The following PFKFB3 variants were observed in gnomAD, a reference collection of about 807,000 sequenced individuals.
PFKFB3 encodes 6-phosphofructo-2-kinase/fructose-2,6-bisphosphatase 3.
In PFKFB3, 33 loss-of-function variants were observed where a neutral mutation model predicts 68.0. The observed-to-expected ratio is 0.49, with a 90% CI of 0.37 to 0.65. The LOEUF (loss-of-function observed/expected upper bound fraction) is 0.65. Ranked by LOEUF, PFKFB3 falls within the 30% of genes least tolerant of loss-of-function variation. PFKFB3 has a pLI of 0.00. For synonymous variants in PFKFB3, 315 were observed against 288.2 expected (o/e 1.09, Z -0.94); for missense variants, 586 against 712.2 (o/e 0.82, Z 2.02).
chr10:6,195,182 T>G (rs1466447352), intron 1 of PFKFB3, among the ~76,000 whole-genome samples: 1 of 152,186 alleles, frequency 6.6e-6, no homozygotes, highest in East Asian at 1.9e-4. Context: ...CCTGTTCCTT[T>G]TTCATCCACG....
rs1015249005 is a variant in PFKFB3, at chr10:6,250,739, C to T, written c.1516-3439C>T. Among the ~76,000 whole-genome samples, 3 of 152,114 alleles carry T rather than the reference C, an allele frequency of 2.0e-5. No individual in the cohort carries two copies. The East Asian group carries it at 5.8e-4, about 29-fold the overall frequency. On this transcript the variant is annotated intron_variant, in intron 14 of 14. Transcript: ENST00000640683. Reference sequence around the variant, plus strand: ...GAGGACACAGCAGGAAGGCCCTCACCGGATGCTGGCACCTTGATCTTGGAC... The same window carrying T: ...GAGGACACAGCAGGAAGGCCCTCACTGGATGCTGGCACCTTGATCTTGGAC...
rs547569851 is a variant in PFKFB3 at position 6,172,083 on chromosome 10, C to G, written c.16+27070C>G. On this transcript the variant is annotated intron_variant, in intron 1 of 14. Coordinates refer to the PFKFB3 transcript ENST00000379789. The stretch of plus-strand genomic sequence containing the variant: ...ACCACCGGTGTCCGGGACAGATACT[C>G]TGACGCATTCTCCCGGAACACCCTG... 7.2e-5 allele frequency among the ~76,000 whole-genome samples: 11 copies of G among 152,366 alleles called. No individual in the cohort carries two copies. In the South Asian group the frequency reaches 2.3e-3, roughly 32 times the overall value.
At chr10:6,242,562 C>T (rs767417530) in intron 14 of PFKFB3, among the ~76,000 whole-genome samples, 1 of 151,966 alleles carries the variant, frequency 6.6e-6, no homozygotes, top group Non-Finnish European at 1.5e-5. Flanking sequence ...CTGTTCCCAC[C>T]GTAGTGCCCT....
chr10:6,291,708 C>A, the PFKFB3 span, among the ~76,000 whole-genome samples: 444 of 152,208 alleles, frequency 2.9e-3, 1 homozygote, highest in African/African-American at 0.01. Flanking sequence ...TGCTATAGCT[C>A]GTTAAGTATC....
intron 1 of PFKFB3, among the ~76,000 whole-genome samples, chr10:6,166,224 C>A (rs951737330): frequency 2.6e-5 from 4 of 151,986 alleles, no homozygotes; most frequent in Non-Finnish European, 5.9e-5. Flanking sequence ...TCAGGTGATC[C>A]GCCCGCCTCG....
intron 13 of PFKFB3, among the ~76,000 whole-genome samples, chr10:6,224,786 T>C (rs1031111280): frequency 2.6e-5 from 4 of 152,144 alleles, no homozygotes; most frequent in Non-Finnish European, 5.9e-5. Flanking sequence ...GTGCCCAGCG[T>C]CTCTTCTCTT....
At chr10:6,167,183 C>G (rs933703100) in intron 1 of PFKFB3, among the ~76,000 whole-genome samples, 2 of 152,230 alleles carry the variant, frequency 1.3e-5, no homozygotes, top group Non-Finnish European at 1.5e-5. Context: ...CTAGACAAGG[C>G]CAGCATGGGA....
chr10:6,169,080 A>G (rs1375685758), intron 1 of PFKFB3, among the ~76,000 whole-genome samples: 3 of 152,204 alleles, frequency 2.0e-5, no homozygotes, highest in African/African-American at 7.2e-5. Context: ...AGCTGGGGCT[A>G]CAGGCATGTG....
At chr10:6,238,292 G>A (rs191786109), downstream of PFKFB3, among the ~76,000 whole-genome samples, 72 of 152,064 alleles carry the variant, frequency 4.7e-4, no homozygotes, top group Admixed American at 1.7e-3. Context: ...AGCCTCCTGA[G>A]TAGCTGGGAT....
chr10:6,178,366 G>A (rs1318689654), intron 1 of PFKFB3, among the ~76,000 whole-genome samples: 1 of 152,166 alleles, frequency 6.6e-6, no homozygotes, highest in Non-Finnish European at 1.5e-5. Flanking sequence ...CTGTCCTCTT[G>A]GGGAGACACA....
chr10:6,320,448 GCTT>G, the PFKFB3 span, among the ~76,000 whole-genome samples: 113 of 151,340 alleles, frequency 7.5e-4, 1 homozygote, highest in East Asian at 0.01. Flanking sequence ...TGAAGAAACA[GCTT>G]CTTCTTCTTC....
At chr10:6,151,834 C>T (rs1212093392) in intron 1 of PFKFB3, among the ~76,000 whole-genome samples, 1 of 152,124 alleles carries the variant, frequency 6.6e-6, no homozygotes, top group Non-Finnish European at 1.5e-5. Flanking sequence ...AAAGCTGGTC[C>T]TCAGTGCCAC....
rs1842061761 is a variant in PFKFB3 at position 6,164,280 on chromosome 10, C to T, written c.16+19267C>T. On this transcript the variant is annotated intron_variant, in intron 1 of 14. Coordinates refer to the PFKFB3 transcript ENST00000379789. ...GCCCCCAGTGTGGGACACAGACTCC[C>T]TGAGGACCTCGTATGCGTTGGGTCT... 2.0e-5 allele frequency among the ~76,000 whole-genome samples: 3 copies of T among 152,204 alleles called. No homozygotes were observed. The South Asian group carries it at 6.2e-4, about 32-fold the overall frequency.
the PFKFB3 span, among the ~76,000 whole-genome samples, chr10:6,309,115 AC>A: frequency 6.6e-6 from 1 of 152,188 alleles, no homozygotes; most frequent in Admixed American, 6.5e-5. Flanking sequence ...AATGTGAGAA[AC>A]CTAGTTGGAT....
chr10:6,254,808 C>CTTTTTTTTTTTT (rs144888417), downstream of PFKFB3, among the ~76,000 whole-genome samples: 3 of 61,636 alleles, frequency 4.9e-5, 1 homozygote, highest in African/African-American at 2.1e-4. Flanking sequence ...TTTTTCTGTT[C>CTTTTTTTTTTTT]TTTTTTTTTT....
chr10:6,172,372 G>A (rs941811288), intron 1 of PFKFB3, among the ~76,000 whole-genome samples: 1 of 152,238 alleles, frequency 6.6e-6, no homozygotes, highest in African/African-American at 2.4e-5. Context: ...CCTGAGCTGG[G>A]CAGACAGGAC....
intron 14 of PFKFB3, chr10:6,254,168 T>A: frequency 2.5e-6 from 1 of 397,170 alleles, no homozygotes; most frequent in Non-Finnish European, 4.4e-6. Flanking sequence ...ATGTACTCCT[T>A]CCTGTTTAGG....
chr10:6,194,708 T>G (rs1843128016), intron 1 of PFKFB3, among the ~76,000 whole-genome samples: 1 of 152,102 alleles, frequency 6.6e-6, no homozygotes. Context: ...GTGGATTCAG[T>G]GGGAAGCTGG....
chr10:6,257,853 G>C (rs914493116), downstream of PFKFB3, among the ~76,000 whole-genome samples: 1 of 152,154 alleles, frequency 6.6e-6, no homozygotes, highest in Non-Finnish European at 1.5e-5. Context: ...ATCCCCATGC[G>C]GGACTCTGGA....
Sources: allele counts gnomAD v4.1 joint callset (sites outside exome capture counted in the v4.1 genomes callset), GRCh38; gene constraint gnomAD v4.1.1; transcripts MANE v1.5; gene names NCBI Gene and HGNC (gene_info 2026-07-23, HGNC 2026-07-21).